KCTD6: variants seen among roughly 807,000 people sequenced by gnomAD.
KCTD6 encodes BTB/POZ domain-containing protein KCTD6.
Under a neutral mutation model 18.7 loss-of-function variants are expected in KCTD6, and 6 were observed. The observed-to-expected ratio is 0.32, with a 90% CI of 0.18 to 0.63. The LOEUF (loss-of-function observed/expected upper bound fraction) is 0.63. KCTD6 is among the 30% of genes least tolerant of loss of function. The pLI is 0.79. For synonymous variants in KCTD6, 86 were observed against 108.5 expected, an observed-to-expected ratio of 0.79 and a Z score of 1.29; for missense variants, 165 against 300.2, an observed-to-expected ratio of 0.55 and a Z score of 3.33.
At chr3:58,494,862 T>C (rs528172261) in intron 1 of KCTD6, among the ~76,000 whole-genome samples, 1 of 152,242 alleles carries the variant, frequency 6.6e-6, no homozygotes, top group Non-Finnish European at 1.5e-5. Context: ...CCTGCTAACA[T>C]GACACTGTCA....
At chr3:58,500,081 C>G (rs1296893630) in intron 2 of KCTD6, among the ~76,000 whole-genome samples, 5 of 151,522 alleles carry the variant, frequency 3.3e-5, no homozygotes, top group African/African-American at 4.9e-5. Context: ...AAAAAGTTAC[C>G]AAGATTAGGT....
rs566954902 is a variant in KCTD6, at chr3:58,501,717, A to T, written c.*85A>T. 13 of 967,246 alleles carry T rather than the reference A, an allele frequency of 1.3e-5. No homozygotes were observed. The highest frequency in any genetic ancestry group is 5.1e-5 in the African/African-American group (3 of 58,910). The allele number at this position is 967,246 out of a possible 1,614,324, so 59.9% of individuals were successfully genotyped here. A position where few individuals can be genotyped will look rare whatever the true frequency, so the allele number is the denominator to read the frequency against. ...TTTTTTTTAAATCACAGTGTGAGAT[A>T]TTTTTTTTCTTTTAAATAGTTGTAT... On this transcript the variant is annotated 3_prime_UTR_variant, in exon 3 of 3. Coordinates refer to ENST00000404589, the MANE Select transcript of KCTD6 (RefSeq NM_001128214.2). This position sits in a 1 kb window ranked among gnomAD's most constrained non-coding sequence, Gnocchi z 9.7.
chr3:58,501,240 C>T lies in KCTD6; in HGVS notation c.322C>T (p.Pro108Ser), dbSNP rs757705801. 2 of 1,614,026 alleles carry T rather than the reference C, an allele frequency of 1.2e-6. No individual in the cohort carries two copies. Among genetic ancestry groups the T allele is most frequent in the East Asian group, 2.2e-5 (1 of 44,892 alleles). The change falls in exon 3 of 3, where the codon CCT (proline) becomes TCT (serine). Residue 108 changes from proline to serine, a missense_variant. Physicochemically the swap from Pro to Ser is moderately conservative, Grantham distance 74 (BLOSUM62 -1). This residue lies in a region of KCTD6 where 106 missense variants were observed against 230.4 expected (regional missense o/e 0.46). Coordinates refer to ENST00000404589, the MANE Select transcript of KCTD6 (RefSeq NM_001128214.2). The surrounding 1 kb of genome is among the most constrained non-coding windows in gnomAD (Gnocchi z 9.7). ...IEPLIQCLNDPKPLYPMDTFE... is the reference protein window; with the variant it reads ...IEPLIQCLNDSKPLYPMDTFE... ...GCCCTTGATTCAGTGTCTCAATGATCCTAAGCCTTTGTATCCCATGGATAC... is the reference window on the plus strand; with the variant it reads ...GCCCTTGATTCAGTGTCTCAATGATTCTAAGCCTTTGTATCCCATGGATAC...
chr3:58,499,683 T>C (rs2063196070), intron 2 of KCTD6, among the ~76,000 whole-genome samples: 1 of 150,702 alleles, frequency 6.6e-6, no homozygotes, highest in African/African-American at 2.4e-5. Context: ...AGACGATAGG[T>C]GGGCACCAAC....
In KCTD6 at chr3:58,493,209, T is replaced by C. The variant is rs2063162244; in HGVS notation, c.-44+1040T>C. Reference sequence around the variant, plus strand: ...AGGAAAATGTGTTTGTCAGCAGGGTTGGTAGGTTGAGAGTATTTTCTCTTT... The same window carrying C: ...AGGAAAATGTGTTTGTCAGCAGGGTCGGTAGGTTGAGAGTATTTTCTCTTT... On this transcript the variant is annotated intron_variant, in intron 1 of 2. Transcript: ENST00000404589. The surrounding 1 kb of genome is among the most constrained non-coding windows in gnomAD (Gnocchi z 4.5). 6.6e-6 allele frequency among the ~76,000 whole-genome samples: 1 copy of C among 152,210 alleles called. No homozygotes were observed. Among genetic ancestry groups the C allele is most frequent in the African/African-American group, 2.4e-5 (1 of 41,444 alleles).
chr3:58,497,147 G>A lies in KCTD6; in HGVS notation c.-43-1566G>A, dbSNP rs551479496. ...TGTGGAGGCCTGTCTATATCCAACT[G>A]CTGAGTGTAAAGAATAAAAACTGAC... is the stretch of plus-strand genomic sequence containing the variant. On this transcript the variant is annotated intron_variant, in intron 1 of 2. Transcript: ENST00000404589. The surrounding 1 kb of genome is among the most constrained non-coding windows in gnomAD (Gnocchi z 4.2). Among the ~76,000 whole-genome samples, 1 of 152,178 alleles carries A rather than the reference G, an allele frequency of 6.6e-6. No individual in the cohort carries two copies. Among genetic ancestry groups the A allele is most frequent in the Non-Finnish European group, 1.5e-5 (1 of 68,028 alleles).
At chr3:58,499,361 G>A (rs891791415) in intron 2 of KCTD6, among the ~76,000 whole-genome samples, 1 of 152,046 alleles carries the variant, frequency 6.6e-6, no homozygotes, top group African/African-American at 2.4e-5. Flanking sequence ...ACTACAAAGG[G>A]ATCTAGTGAG....
At position 58,502,131 on chromosome 3, in the gene KCTD6, A is replaced by T. The variant is rs981521311; in HGVS notation, c.*499A>T. 2.6e-5 allele frequency: 4 copies of T among 152,676 alleles called. No homozygotes were observed. The highest frequency in any genetic ancestry group is 9.6e-5 in the African/African-American group (4 of 41,474). 9.5% of individuals were successfully genotyped at this position (152,676 alleles called of 1,614,324 possible). A position where few individuals can be genotyped will look rare whatever the true frequency, so the allele number is the denominator to read the frequency against. Reference sequence around the variant, plus strand: ...AATCATTTAAAAGTACTTATTAAGTACTGCTTTTTACAGTTATGACAACTG... The same window carrying T: ...AATCATTTAAAAGTACTTATTAAGTTCTGCTTTTTACAGTTATGACAACTG... On this transcript the variant is annotated 3_prime_UTR_variant, in exon 3 of 3. Transcript: ENST00000404589.
chr3:58,500,827 C>T, intron 2 of KCTD6, 119 bp from the exon 3 acceptor site: 1 of 635,952 alleles, frequency 1.6e-6, no homozygotes, highest in Non-Finnish European at 2.7e-6. Context: ...TAGAGGATTA[C>T]TAAATACATT....
rs1415724578 is a variant in KCTD6 at position 58,498,064 on chromosome 3, C to T, written c.-43-649C>T. On this transcript the variant is annotated intron_variant, in intron 1 of 2. Transcript: ENST00000404589. The surrounding 1 kb of genome is among the most constrained non-coding windows in gnomAD (Gnocchi z 4.6). ...TGGCACAGTCTCGGCTCACTGCAAC[C>T]TCCGCCTCTCGGGTTCAAGTGATGC... 3 of 151,474 alleles carry T rather than the reference C, an allele frequency of 2.0e-5. No individual in the cohort carries two copies. Among genetic ancestry groups the T allele is most frequent in the Non-Finnish European group, 2.9e-5 (2 of 67,986 alleles). 9.4% of individuals were successfully genotyped at this position (151,474 alleles called of 1,614,324 possible).
rs1368828535 is a variant in KCTD6, at chr3:58,498,533, A to T, written c.-43-180A>T. ...GTTCTCTATGGTAAGAATACAGGAC[A>T]TGTAGAAGGCCCTAGGGGAATGCTT... is the stretch of plus-strand genomic sequence containing the variant. On this transcript the variant is annotated intron_variant, in intron 1 of 2. Transcript: ENST00000404589. This position sits in a 1 kb window ranked among gnomAD's most constrained non-coding sequence, Gnocchi z 4.6. 1 of 552,100 alleles carries T rather than the reference A, an allele frequency of 1.8e-6. No homozygotes were observed. Among genetic ancestry groups the T allele is most frequent in the East Asian group, 3.2e-5 (1 of 30,984 alleles). The allele number at this position is 552,100 out of a possible 1,614,324, so 34.2% of individuals were successfully genotyped here.
Position 58,496,364 on chromosome 3 carries a change from C to T in KCTD6, c.-43-2349C>T, listed in dbSNP as rs1203970955. Among the ~76,000 whole-genome samples, 2 of 152,150 alleles carry T rather than the reference C, an allele frequency of 1.3e-5. No individual in the cohort carries two copies. Among genetic ancestry groups the T allele is most frequent in the African/African-American group, 4.8e-5 (2 of 41,424 alleles). The stretch of plus-strand genomic sequence containing the variant: ...GACTAAGAGTCAGAACATGCAAGTT[C>T]TTATCTAGTTACTTCCCAGCTGTGG... On this transcript the variant is annotated intron_variant, in intron 1 of 2. Coordinates refer to ENST00000404589, the MANE Select transcript of KCTD6 (RefSeq NM_001128214.2). This position sits in a 1 kb window ranked among gnomAD's most constrained non-coding sequence, Gnocchi z 5.1.
At chr3:58,500,322 T>G (rs993021921) in intron 2 of KCTD6, 3 of 150,408 alleles carry the variant, frequency 2.0e-5, no homozygotes, top group Non-Finnish European at 4.4e-5. Context: ...GATGGGGTCT[T>G]GCCATGTTGC....
intron 2 of KCTD6, among the ~76,000 whole-genome samples, chr3:58,500,102 T>G (rs2063198024): frequency 6.6e-6 from 1 of 151,982 alleles, no homozygotes; most frequent in South Asian, 2.1e-4. Flanking sequence ...CTGCACAGTT[T>G]TTAATTTAAT....
In KCTD6 at chr3:58,496,245, A is replaced by G. The variant is rs1299182450; in HGVS notation, c.-43-2468A>G. 6.6e-6 allele frequency among the ~76,000 whole-genome samples: 1 copy of G among 152,182 alleles called. No homozygotes were observed. The highest frequency in any genetic ancestry group is 1.5e-5 in the Non-Finnish European group (1 of 68,038). ...GGATGGATAGGGTTAATAGATGGCT[A>G]TAGAGAGTTTAAAGTTAAGCTTTTT... is the stretch of plus-strand genomic sequence containing the variant. On this transcript the variant is annotated intron_variant, in intron 1 of 2. Transcript: ENST00000404589. The surrounding 1 kb of genome is among the most constrained non-coding windows in gnomAD (Gnocchi z 5.1).
intron 2 of KCTD6, among the ~76,000 whole-genome samples, chr3:58,499,294 G>A (rs752013861): frequency 1.3e-5 from 2 of 152,216 alleles, no homozygotes; most frequent in South Asian, 2.1e-4. Flanking sequence ...GAGAGGTAAC[G>A]TGATTTTTTA....
Position 58,501,012 on chromosome 3 carries a change from C to G in KCTD6, c.94C>G (p.Arg32Gly). The G allele has an allele frequency of 6.2e-7, 1 of 1,613,484 alleles. No individual in the cohort carries two copies. The highest frequency in any genetic ancestry group is 8.5e-7 in the Non-Finnish European group (1 of 1,179,728). ...TACAACGTCTCTCACCACATTGACG[C>G]GTTACCCGGATTCCATGCTTGGAGC... ...LYTTSLTTLT[R>G]YPDSMLGAMF... The change falls in exon 3 of 3, where the codon CGT becomes GGT. Residue 32 changes from arginine (R) to glycine (G), a missense_variant. Physicochemically the swap from Arg to Gly is moderately radical, Grantham distance 125 (BLOSUM62 -2). Transcript: ENST00000404589. This position sits in a 1 kb window ranked among gnomAD's most constrained non-coding sequence, Gnocchi z 9.7.
chr3:58,501,323 A>G lies in KCTD6; in HGVS notation c.405A>G (p.Pro135=). ...STRKLSKYSN[P]VAVIITQLTI... is the part of the protein sequence containing the mutation. ...GGAAGCTTTCTAAGTACTCCAACCC[A>G]GTGGCTGTCATCATAACGCAACTAA... The change falls in exon 3 of 3, where the codon CCA becomes CCG. Residue 135 remains proline (P), a synonymous_variant. Coordinates refer to ENST00000404589, the MANE Select transcript of KCTD6 (RefSeq NM_001128214.2). The surrounding 1 kb of genome is among the most constrained non-coding windows in gnomAD (Gnocchi z 9.7). 1 of 1,610,304 alleles carries G rather than the reference A, an allele frequency of 6.2e-7. No homozygotes were observed. The highest frequency in any genetic ancestry group is 8.5e-7 in the Non-Finnish European group (1 of 1,178,828).
rs1348958447 is a variant in KCTD6, at chr3:58,493,151, T to A, written c.-44+982T>A. 6.6e-6 allele frequency among the ~76,000 whole-genome samples: 1 copy of A among 152,200 alleles called. No individual in the cohort carries two copies. The highest frequency in any genetic ancestry group is 1.5e-5 in the Non-Finnish European group (1 of 68,038). On this transcript the variant is annotated intron_variant, in intron 1 of 2. Transcript: ENST00000404589. The surrounding 1 kb of genome is among the most constrained non-coding windows in gnomAD (Gnocchi z 4.5). ...CACAGTCCTGAGCCCAAGATTGAGA[T>A]GTTTTCAAATGAACGAATATGTAGC...
Sources: allele counts gnomAD v4.1 joint callset (sites outside exome capture counted in the v4.1 genomes callset), GRCh38; gene constraint gnomAD v4.1.1; regional missense constraint gnomAD v4.1.1; non-coding constraint Gnocchi (gnomAD v3.1); transcripts MANE v1.5; gene names NCBI Gene and HGNC (gene_info 2026-07-23, HGNC 2026-07-21).